RPA1: variants seen among roughly 807,000 people sequenced by gnomAD.
The protein encoded by RPA1 is replication protein A1.
Under a neutral mutation model 83.0 loss-of-function variants are expected in RPA1, and 49 were observed. The observed-to-expected ratio is 0.59, with a 90% CI of 0.47 to 0.75. The LOEUF is 0.75. Among genes scored for constraint, RPA1 ranks in the 30% least tolerant of loss-of-function variants. The probability of loss-of-function intolerance (pLI) is 0.00; values close to 1 mark genes in which losing one functional copy is unlikely to be tolerated. For missense variants in RPA1, 693 were observed against 776.1 expected (o/e 0.89, Z 1.27); for synonymous variants, 279 against 281.8 (o/e 0.99, Z 0.10).
At chr17:1,893,804 A>G (rs1914287439) in intron 15 of RPA1, among the ~76,000 whole-genome samples, 1 of 152,034 alleles carries the variant, frequency 6.6e-6, no homozygotes, top group African/African-American at 2.4e-5. Context: ...ATCAGTAGCT[A>G]TAAATACAGA....
chr17:1,836,829 T>C (rs1284035313), intron 1 of RPA1, among the ~76,000 whole-genome samples: 2 of 106,754 alleles, frequency 1.9e-5, no homozygotes, highest in Non-Finnish European at 5.0e-5. Flanking sequence ...TCTTGGCTAA[T>C]TAAAAAAAAA....
chr17:1,897,061 CT>C lies in RPA1; in HGVS notation c.1747-5del. The C allele has an allele frequency of 6.4e-7, 1 of 1,560,902 alleles. No homozygotes were observed. Among genetic ancestry groups the C allele is most frequent in the South Asian group, 1.2e-5 (1 of 84,498 alleles). On this transcript the variant is annotated splice_polypyrimidine_tract_variant and intron_variant, in intron 16 of 16. Transcript: ENST00000254719. ...TTCACTGCTCACAAACTACTTCTCC[CT>C]TTTTGAAGGACGAGTCTCGAATTAA...
At chr17:1,872,234 CT>C (rs1175630831) in intron 5 of RPA1, 199 bp from the exon 6 acceptor site, 4 of 716,012 alleles carry the variant, frequency 5.6e-6, no homozygotes, top group East Asian at 5.6e-5. Context: ...TGGAGCCAAC[CT>C]TTTGTGTAAT....
chr17:1,839,694 A>G (rs929120190), intron 1 of RPA1, among the ~76,000 whole-genome samples: 1 of 150,018 alleles, frequency 6.7e-6, no homozygotes, highest in Non-Finnish European at 1.5e-5. Context: ...GTGCAGTGAC[A>G]TACATGATCA....
intron 1 of RPA1, among the ~76,000 whole-genome samples, chr17:1,833,195 G>T (rs922889994): frequency 2.2e-4 from 33 of 152,236 alleles, no homozygotes; most frequent in Non-Finnish European, 1.0e-4. Context: ...AGTATGCTGG[G>T]ATCACAGGCT....
intron 12 of RPA1, among the ~76,000 whole-genome samples, chr17:1,882,646 CA>C (rs764604621): frequency 1.3e-5 from 2 of 152,152 alleles, no homozygotes; most frequent in Non-Finnish European, 2.9e-5. Flanking sequence ...TCCTGGGTGA[CA>C]AAGCAAGACT....
chr17:1,888,313 T>C (rs927317602), intron 13 of RPA1, among the ~76,000 whole-genome samples: 3 of 152,192 alleles, frequency 2.0e-5, no homozygotes, highest in African/African-American at 7.2e-5. Context: ...TCTGTGGCCT[T>C]TGGAGGGTCA....
intron 1 of RPA1, among the ~76,000 whole-genome samples, chr17:1,839,019 T>TG (rs1911937594): frequency 6.6e-6 from 1 of 151,436 alleles, no homozygotes; most frequent in South Asian, 2.1e-4. Context: ...CCCGGCTAAT[T>TG]TTTTTTTGTA....
intron 5 of RPA1, among the ~76,000 whole-genome samples, chr17:1,866,191 A>G (rs1167376783): frequency 6.6e-6 from 1 of 152,152 alleles, no homozygotes; most frequent in Non-Finnish European, 1.5e-5. Flanking sequence ...GCAGTGAGCC[A>G]GGGCTGTGCC....
intron 1 of RPA1, among the ~76,000 whole-genome samples, chr17:1,840,959 C>T (rs1212534569): frequency 2.6e-5 from 4 of 151,986 alleles, no homozygotes; most frequent in South Asian, 2.1e-4. Flanking sequence ...CCCAGCTACG[C>T]GGGAGGCTGC....
At chr17:1,849,444 C>T (rs777718868) in intron 4 of RPA1, among the ~76,000 whole-genome samples, 5 of 151,774 alleles carry the variant, frequency 3.3e-5, no homozygotes, top group Admixed American at 6.6e-5. Context: ...AGGTGCCCAC[C>T]GCCACGCCCG....
intron 6 of RPA1, among the ~76,000 whole-genome samples, chr17:1,873,356 CT>C (rs1193048605): frequency 6.6e-6 from 1 of 152,172 alleles, no homozygotes; most frequent in African/African-American, 2.4e-5. Context: ...CTGGCCTTTA[CT>C]TTAGGAACCT....
intron 12 of RPA1, among the ~76,000 whole-genome samples, chr17:1,881,194 G>A (rs1363223071): frequency 6.6e-6 from 1 of 152,210 alleles, no homozygotes; most frequent in Non-Finnish European, 1.5e-5. Context: ...AGGAGAGCCT[G>A]TTAAAATCTC....
At chr17:1,872,662 G>T in intron 6 of RPA1, 136 bp downstream of exon 6, 2 of 1,082,246 alleles carry the variant, frequency 1.8e-6, no homozygotes, top group Non-Finnish European at 1.3e-6. Flanking sequence ...GAATAATTCT[G>T]ATTCATATTT....
At chr17:1,836,463 C>A (rs566604859) in intron 1 of RPA1, among the ~76,000 whole-genome samples, 1 of 152,154 alleles carries the variant, frequency 6.6e-6, no homozygotes. Context: ...AATGTGCGCA[C>A]CCCTGTAACC....
At chr17:1,840,461 T>C (rs1271869702) in intron 1 of RPA1, among the ~76,000 whole-genome samples, 1 of 152,110 alleles carries the variant, frequency 6.6e-6, no homozygotes, top group Admixed American at 6.6e-5. Context: ...TAATTTTTTA[T>C]ATTTTTAGCA....
chr17:1,830,257 T>C (rs922974887), intron 1 of RPA1, 131 bp downstream of exon 1: 1 of 429,402 alleles, frequency 2.3e-6, no homozygotes, highest in South Asian at 1.1e-4. Context: ...CGGGGGGCGG[T>C]GGGGACCCGC....
At chr17:1,888,923 C>A in intron 14 of RPA1, 72 bp downstream of exon 14, 3 of 1,502,936 alleles carry the variant, frequency 2.0e-6, no homozygotes, top group South Asian at 2.5e-5. Context: ...GCACTGTGGT[C>A]ACAACAGTAG....
intron 13 of RPA1, among the ~76,000 whole-genome samples, chr17:1,887,426 G>A (rs562745505): frequency 2.2e-4 from 33 of 152,122 alleles, no homozygotes; most frequent in African/African-American, 7.0e-4. Context: ...GGGCGTAGTG[G>A]TGCATGCCTG....
Sources: allele counts gnomAD v4.1 joint callset (sites outside exome capture counted in the v4.1 genomes callset), GRCh38; gene constraint gnomAD v4.1.1; transcripts MANE v1.5; gene names NCBI Gene and HGNC (gene_info 2026-07-23, HGNC 2026-07-21).